MRPL35: variants seen among roughly 807,000 people sequenced by gnomAD.
The protein encoded by MRPL35 is mitochondrial ribosomal protein L35.
Under a neutral mutation model 21.6 loss-of-function variants are expected in MRPL35, and 18 were observed. The observed-to-expected ratio is 0.83, with a 90% CI of 0.58 to 1.24. The LOEUF (loss-of-function observed/expected upper bound fraction) is 1.24. Among genes scored for constraint, MRPL35 ranks in the 50% most tolerant of loss-of-function variants. The pLI, the probability that MRPL35 is intolerant of heterozygous loss-of-function variation, is 0.00. For synonymous variants in MRPL35, 87 were observed against 86.9 expected, an observed-to-expected ratio of 1.00 and a Z score of -0.01; for missense variants, 223 against 223.2, an observed-to-expected ratio of 1.00 and a Z score of 0.01.
At chr2:86,199,905 G>C (rs939235766) in intron 1 of MRPL35, among the ~76,000 whole-genome samples, 5 of 152,132 alleles carry the variant, frequency 3.3e-5, no homozygotes, top group Admixed American at 1.3e-4. Context: ...CCTAACTTAA[G>C]ATTCTACACC....
Position 86,211,874 on chromosome 2 carries a change from C to T in MRPL35, c.*1206C>T, listed in dbSNP as rs1269544251. ...CATTTGTAAGGATAAACTTTTCCCACAAATTTTCAACAATCATTGTAGAAA... is the reference window on the plus strand; with the variant it reads ...CATTTGTAAGGATAAACTTTTCCCATAAATTTTCAACAATCATTGTAGAAA... On this transcript the variant is annotated 3_prime_UTR_variant, in exon 4 of 4. Transcript: ENST00000337109. 26 of 985,380 alleles carry T rather than the reference C, an allele frequency of 2.6e-5. No individual in the cohort carries two copies. Among genetic ancestry groups the T allele is most frequent in the Non-Finnish European group, 2.9e-5 (24 of 830,002 alleles). The allele number at this position is 985,380 out of a possible 1,614,324, so 61.0% of individuals were successfully genotyped here.
Position 86,211,937 on chromosome 2 carries a change from G to A in MRPL35, c.*1269G>A, listed in dbSNP as rs938372706. On this transcript the variant is annotated 3_prime_UTR_variant, in exon 4 of 4. Coordinates refer to ENST00000337109, the MANE Select transcript of MRPL35 (RefSeq NM_016622.4). ...AAGTAATCTCAGTTGTTTTAGAAAC[G>A]AAAAAGTTAAGCATTGTTTACTTGA... 5.1e-6 allele frequency: 5 copies of A among 985,706 alleles called. No individual in the cohort carries two copies. Among genetic ancestry groups the A allele is most frequent in the Admixed American group, 6.1e-5 (1 of 16,268 alleles). The allele number at this position is 985,706 out of a possible 1,614,324, so 61.1% of individuals were successfully genotyped here. A position where few individuals can be genotyped will look rare whatever the true frequency, so the allele number is the denominator to read the frequency against.
intron 1 of MRPL35, among the ~76,000 whole-genome samples, chr2:86,203,906 T>C (rs1229770114): frequency 6.6e-6 from 1 of 152,160 alleles, no homozygotes; most frequent in African/African-American, 2.4e-5. Flanking sequence ...GCCCCTCATT[T>C]GTTATCTGAA....
In MRPL35 at chr2:86,213,663, G is replaced by A. The variant is rs1018910963; in HGVS notation, c.*2995G>A. 3 of 1,550,300 alleles carry A rather than the reference G, an allele frequency of 1.9e-6. No individual in the cohort carries two copies. The African/African-American group carries it at 4.1e-5, about 21-fold the overall frequency. On this transcript the variant is annotated 3_prime_UTR_variant, in exon 4 of 4. Transcript: ENST00000337109. ...ATTTGCAGATGAAGAAATGTTCAGA[G>A]AAGAAAAATGATGGACCAAACGTCT...
chr2:86,206,932 GAAAT>G (rs1573971596), intron 2 of MRPL35, among the ~76,000 whole-genome samples: 1 of 152,322 alleles, frequency 6.6e-6, no homozygotes, highest in East Asian at 1.9e-4. Context: ...AGATGGATAA[GAAAT>G]AAAGCGATGA....
At chr2:86,206,677 C>T (rs952808826) in intron 2 of MRPL35, among the ~76,000 whole-genome samples, 4 of 152,132 alleles carry the variant, frequency 2.6e-5, no homozygotes, top group Non-Finnish European at 5.9e-5. Flanking sequence ...ATCTAGGCGC[C>T]TGCAGCAGGA....
intron 2 of MRPL35, 23 bp downstream of exon 2, chr2:86,206,318 G>T (rs764300706): frequency 8.4e-5 from 132 of 1,563,284 alleles, no homozygotes; most frequent in Middle Eastern, 5.2e-4. Context: ...TCTTTGTGGG[G>T]TTTTTTTTGT....
At chr2:86,208,833 A>G (rs1360954823) in intron 3 of MRPL35, among the ~76,000 whole-genome samples, 2 of 152,064 alleles carry the variant, frequency 1.3e-5, no homozygotes, top group African/African-American at 2.4e-5. Context: ...TTCAAAATCT[A>G]ATTTTCAGAG....
downstream of MRPL35, chr2:86,213,792 G>A: frequency 1.8e-6 from 2 of 1,088,878 alleles, no homozygotes; most frequent in Non-Finnish European, 1.3e-6. Flanking sequence ...ATACTTTCAG[G>A]TTTGTAGTTG....
rs1268642810 is a variant in MRPL35 at position 86,211,919 on chromosome 2, C to T, written c.*1251C>T. Reference sequence around the variant, plus strand: ...TAGAAACTAAGGGGGAGAAAGTAATCTCAGTTGTTTTAGAAACGAAAAAGT... The same window carrying T: ...TAGAAACTAAGGGGGAGAAAGTAATTTCAGTTGTTTTAGAAACGAAAAAGT... On this transcript the variant is annotated 3_prime_UTR_variant, in exon 4 of 4. Coordinates refer to ENST00000337109, the MANE Select transcript of MRPL35 (RefSeq NM_016622.4). 3.9e-5 allele frequency: 38 copies of T among 985,530 alleles called. No homozygotes were observed. Among genetic ancestry groups the T allele is most frequent in the Non-Finnish European group, 4.6e-5 (38 of 830,144 alleles). The allele number at this position is 985,530 out of a possible 1,614,324, so 61.0% of individuals were successfully genotyped here. A position where few individuals can be genotyped will look rare whatever the true frequency, so the allele number is the denominator to read the frequency against.
intron 1 of MRPL35, 127 bp downstream of exon 1, chr2:86,199,660 C>T: frequency 8.1e-7 from 1 of 1,227,238 alleles, no homozygotes; most frequent in Non-Finnish European, 1.1e-6. Flanking sequence ...GAAGGTTGCG[C>T]CCAATTTTCT....
intron 3 of MRPL35, among the ~76,000 whole-genome samples, chr2:86,207,832 G>A (rs1673833407): frequency 6.6e-6 from 1 of 151,928 alleles, no homozygotes; most frequent in African/African-American, 2.4e-5. Context: ...GCTTGAACCT[G>A]GAAGGCAGAG....
rs549599841 is a variant in MRPL35 at position 86,212,627 on chromosome 2, G to A, written c.*1959G>A. 1.7e-4 allele frequency: 229 copies of A among 1,377,730 alleles called. No homozygotes were observed. The highest frequency in any genetic ancestry group is 1.9e-4 in the Non-Finnish European group (204 of 1,067,876). 85.3% of individuals were successfully genotyped at this position (1,377,730 alleles called of 1,614,324 possible). ...GTTACAGGGGCCTCAGAGCACCTTC[G>A]TTTCTCCTCTAGACCAGGGACAGGT... On this transcript the variant is annotated 3_prime_UTR_variant, in exon 4 of 4. Coordinates refer to ENST00000337109, the MANE Select transcript of MRPL35 (RefSeq NM_016622.4).
At chr2:86,204,426 T>G (rs1673750109) in intron 1 of MRPL35, among the ~76,000 whole-genome samples, 2 of 115,578 alleles carry the variant, frequency 1.7e-5, no homozygotes, top group East Asian at 4.2e-4. Flanking sequence ...GACTTTTTTT[T>G]TTTTTTTTAG....
Position 86,199,528 on chromosome 2 carries a change from C to A in MRPL35, c.38C>A (p.Ala13Asp), listed in dbSNP as rs529104371. The part of the protein sequence containing the change: ...ASAFAGAVRA[A>D]SGILRPLNIL... ...GCCTTTGCTGGTGCAGTGAGAGCAG[C>A]TTCAGGTCAGTGGAGAGCGACATAC... The change falls in exon 1 of 4, where the codon GCT becomes GAT. Residue 13 changes from alanine (A) to aspartate (D), a missense_variant. Transcript: ENST00000337109. 6.2e-7 allele frequency: 1 copy of A among 1,614,192 alleles called. No individual in the cohort carries two copies. Among genetic ancestry groups the A allele is most frequent in the African/African-American group, 1.3e-5 (1 of 75,072 alleles).
intron 3 of MRPL35, among the ~76,000 whole-genome samples, chr2:86,208,452 A>C (rs1391860009): frequency 6.6e-6 from 1 of 152,042 alleles, no homozygotes; most frequent in African/African-American, 2.4e-5. Context: ...GATTACAGGC[A>C]TGCACCACCA....
upstream of MRPL35, chr2:86,199,452 C>T (rs1276374871): frequency 4.3e-6 from 7 of 1,613,416 alleles, no homozygotes; most frequent in African/African-American, 2.7e-5. Context: ...TGCTCTTGTG[C>T]TTTTAAACCC....
At chr2:86,200,131 A>C (rs180810559) in intron 1 of MRPL35, among the ~76,000 whole-genome samples, 3 of 152,320 alleles carry the variant, frequency 2.0e-5, no homozygotes, top group Non-Finnish European at 4.4e-5. Context: ...TACTTTTTGC[A>C]AAAAGTTAAA....
At chr2:86,199,658 C>A in intron 1 of MRPL35, 125 bp downstream of exon 1, 1 of 1,245,128 alleles carries the variant, frequency 8.0e-7, no homozygotes, top group Non-Finnish European at 1.1e-6. Context: ...AAGAAGGTTG[C>A]GCCCAATTTT....
Sources: gnomAD v4.1 joint callset for allele counts (sites outside exome capture counted in the v4.1 genomes callset) on GRCh38, gnomAD v4.1.1 for gene constraint, MANE v1.5 for transcripts, NCBI Gene and HGNC (gene_info 2026-07-23, HGNC 2026-07-21) for gene names.